ARHGAP31: variants seen among roughly 807,000 people sequenced by gnomAD.
ARHGAP31 encodes rho GTPase-activating protein 31.
Under a neutral mutation model 113.9 loss-of-function variants are expected in ARHGAP31, and 34 were observed. The observed-to-expected ratio is 0.30, with a 90% confidence interval of 0.23 to 0.40. The LOEUF is 0.40. ARHGAP31 is among the 10% of genes least tolerant of loss of function. The probability of loss-of-function intolerance (pLI) is 1.00; values close to 1 mark genes in which losing one functional copy is unlikely to be tolerated. For synonymous variants in ARHGAP31, 650 were observed against 684.8 expected, an observed-to-expected ratio of 0.95 and a Z score of 0.79; for missense variants, 1,548 against 1,767.1, an observed-to-expected ratio of 0.88 and a Z score of 2.22.
chr3:119,353,577 G>A (rs2080129892), intron 1 of ARHGAP31, among the ~76,000 whole-genome samples: 1 of 152,188 alleles, frequency 6.6e-6, no homozygotes, highest in Non-Finnish European at 1.5e-5. Context: ...GGCCAAGGCG[G>A]GTGGATCACG....
Position 119,414,315 on chromosome 3 carries a change from C to G in ARHGAP31, c.2386C>G (p.Pro796Ala), listed in dbSNP as rs1191204965. ...TCCAACTCCTCTGGAGGAGTCAACT[C>G]CAGTCCTGCTTTCAAAGGGCGGCCC... ...PPPTPLEESTPVLLSKGGPER... is the reference protein window; with the variant it reads ...PPPTPLEESTAVLLSKGGPER... The change falls in exon 12 of 12, where the codon CCA (proline) becomes GCA (alanine). Residue 796 changes from proline to alanine, a missense_variant. Coordinates refer to ENST00000264245, the MANE Select transcript of ARHGAP31 (RefSeq NM_020754.4). The G allele has an allele frequency of 6.2e-7, 1 of 1,614,232 alleles. No individual in the cohort carries two copies. Among genetic ancestry groups the G allele is most frequent in the Non-Finnish European group, 8.5e-7 (1 of 1,180,048 alleles).
chr3:119,323,790 T>C (rs2079816140), intron 1 of ARHGAP31, among the ~76,000 whole-genome samples: 1 of 152,184 alleles, frequency 6.6e-6, no homozygotes, highest in African/African-American at 2.4e-5. Flanking sequence ...ATAGAAAATG[T>C]TTCTATAACT....
intron 1 of ARHGAP31, among the ~76,000 whole-genome samples, chr3:119,321,114 T>C (rs74494756): frequency 0.088 from 13,310 of 152,012 alleles, 766 homozygotes; most frequent in Non-Finnish European, 0.12. Flanking sequence ...AACGAACTAA[T>C]ACAGATGTAT....
chr3:119,411,499 T>G (rs1031895198), intron 11 of ARHGAP31, among the ~76,000 whole-genome samples: 14 of 152,174 alleles, frequency 9.2e-5, no homozygotes, highest in African/African-American at 3.1e-4. Flanking sequence ...AGCAAAGAGA[T>G]GCACTGTGGG....
At chr3:119,382,054 CTGGTGCTCCA>C (rs1418455418) in intron 4 of ARHGAP31, among the ~76,000 whole-genome samples, 1 of 149,922 alleles carries the variant, frequency 6.7e-6, no homozygotes, top group African/African-American at 2.4e-5. Context: ...CTGTCTCTGA[CTGGTGCTCCA>C]GGGTCCTCTG....
intron 1 of ARHGAP31, 44 bp from the exon 2 acceptor site, chr3:119,365,272 C>G: frequency 6.6e-7 from 1 of 1,521,482 alleles, no homozygotes; most frequent in Non-Finnish European, 9.1e-7. Context: ...GACAGGCAGA[C>G]TTACATCTAA....
At chr3:119,366,533 G>C (rs1225796570) in intron 2 of ARHGAP31, among the ~76,000 whole-genome samples, 2 of 151,646 alleles carry the variant, frequency 1.3e-5, no homozygotes, top group African/African-American at 4.9e-5. Flanking sequence ...TAATTTACTA[G>C]TACTCCATTT....
Position 119,419,215 on chromosome 3 carries a change from A to G in ARHGAP31, c.*2951A>G, listed in dbSNP as rs1486786469. 1.3e-5 allele frequency: 2 copies of G among 152,186 alleles called. No individual in the cohort carries two copies. The highest frequency in any genetic ancestry group is 2.4e-5 in the African/African-American group (1 of 41,432). 9.4% of individuals were successfully genotyped at this position (152,186 alleles called of 1,614,324 possible). A position where few individuals can be genotyped will look rare whatever the true frequency, so the allele number is the denominator to read the frequency against. On this transcript the variant is annotated 3_prime_UTR_variant, in exon 12 of 12. Coordinates refer to ENST00000264245, the MANE Select transcript of ARHGAP31 (RefSeq NM_020754.4). ...AATCAAATTCTCAAGGGCTCCTTCA[A>G]ATCAGCTATCAGTCCTCAAAATGGG...
At chr3:119,323,154 TCA>T (rs1413922443) in intron 1 of ARHGAP31, among the ~76,000 whole-genome samples, 4 of 152,098 alleles carry the variant, frequency 2.6e-5, no homozygotes, top group Non-Finnish European at 4.4e-5. Flanking sequence ...CGCTGGGGAC[TCA>T]CACGCTGCGG....
chr3:119,380,801 G>T lies in ARHGAP31; in HGVS notation c.349-103G>T, dbSNP rs2080390332. The T allele has an allele frequency of 4.3e-6, 4 of 926,956 alleles. No homozygotes were observed. In the South Asian group the frequency reaches 5.3e-5, roughly 12 times the overall value. The allele number at this position is 926,956 out of a possible 1,614,324, so 57.4% of individuals were successfully genotyped here. On this transcript the variant is annotated intron_variant, in intron 3 of 11. Transcript: ENST00000264245. ...TCTTGGAAGGATGATCTCTAGGCAT[G>T]GTTGTGAGGCTGGAGTATGAGGGCT... is the stretch of plus-strand genomic sequence containing the variant.
intron 8 of ARHGAP31, among the ~76,000 whole-genome samples, chr3:119,398,970 A>G (rs191407043): frequency 4.5e-4 from 69 of 152,344 alleles, no homozygotes; most frequent in African/African-American, 1.5e-3. Context: ...TTTATTGTAA[A>G]ATATTAATAA....
chr3:119,360,083 C>T (rs1210955073), intron 1 of ARHGAP31, among the ~76,000 whole-genome samples: 1 of 152,196 alleles, frequency 6.6e-6, no homozygotes, highest in African/African-American at 2.4e-5. Context: ...TCCCTCCTGC[C>T]TCTTCCCTGC....
chr3:119,332,625 TCTCTCTCTCTCACACACA>T (rs2079903540), intron 1 of ARHGAP31, among the ~76,000 whole-genome samples: 2 of 119,758 alleles, frequency 1.7e-5, no homozygotes, highest in Admixed American at 2.0e-4. Flanking sequence ...TCTCTCTCTC[TCTCTCTCTCTCACACACA>T]CACACACACA....
chr3:119,352,859 A>G (rs1173002274), intron 1 of ARHGAP31, among the ~76,000 whole-genome samples: 1 of 152,118 alleles, frequency 6.6e-6, no homozygotes, highest in African/African-American at 2.4e-5. Context: ...AAATGCCCCC[A>G]AGTTCCCTAA....
At chr3:119,352,612 A>C (rs567551916) in intron 1 of ARHGAP31, among the ~76,000 whole-genome samples, 10 of 121,248 alleles carry the variant, frequency 8.2e-5, no homozygotes, top group Non-Finnish European at 1.6e-4. Context: ...CCCTCTTCCC[A>C]CACACACACA....
chr3:119,392,694 A>G (rs2080515257), intron 7 of ARHGAP31, among the ~76,000 whole-genome samples: 1 of 152,180 alleles, frequency 6.6e-6, no homozygotes, highest in Non-Finnish European at 1.5e-5. Flanking sequence ...GCCTGGTGTG[A>G]GGCTAAGCCA....
intron 1 of ARHGAP31, among the ~76,000 whole-genome samples, chr3:119,334,741 T>G (rs1378243997): frequency 1.3e-5 from 2 of 152,254 alleles, no homozygotes; most frequent in Non-Finnish European, 2.9e-5. Flanking sequence ...CACCAAGCAC[T>G]GCACTAAGCA....
intron 1 of ARHGAP31, among the ~76,000 whole-genome samples, chr3:119,300,459 C>T (rs932586963): frequency 2.6e-5 from 4 of 152,106 alleles, no homozygotes; most frequent in South Asian, 2.1e-4. Flanking sequence ...TTCTCAGAGT[C>T]ACTGCAGGGT....
At chr3:119,408,528 C>G (rs2080685463) in intron 10 of ARHGAP31, among the ~76,000 whole-genome samples, 1 of 152,218 alleles carries the variant, frequency 6.6e-6, no homozygotes, top group South Asian at 2.1e-4. Flanking sequence ...CCAGACACTG[C>G]TATATGCTTT....
Sources: gnomAD v4.1 joint callset for allele counts (sites outside exome capture counted in the v4.1 genomes callset) on GRCh38, gnomAD v4.1.1 for gene constraint, MANE v1.5 for transcripts, NCBI Gene and HGNC (gene_info 2026-07-23, HGNC 2026-07-21) for gene names.